PTK2: variants seen among roughly 807,000 people sequenced by gnomAD.
The protein encoded by PTK2 is protein tyrosine kinase 2, also known as focal adhesion kinase 1.
PTK2 carries 45 observed loss-of-function variants against 150.1 expected under a neutral mutation model. The observed-to-expected ratio is 0.30, with a 90% CI of 0.24 to 0.38. The LOEUF (loss-of-function observed/expected upper bound fraction) is 0.38, where lower values mean the gene tolerates loss of function less well. Among genes scored for constraint, PTK2 ranks in the 10% least tolerant of loss-of-function variants. PTK2 has a pLI of 1.00. For missense variants in PTK2, 919 were observed against 1,307.3 expected (o/e 0.70, Z 4.58); for synonymous variants, 432 against 449.2 (o/e 0.96, Z 0.48).
rs542496480 is a variant in PTK2, at chr8:140,757,534, C to T, written c.1332+3631G>A. Among the ~76,000 whole-genome samples the T allele has an allele frequency of 2.0e-5, 3 of 152,162 alleles. No individual in the cohort carries two copies. In the South Asian group the frequency reaches 6.2e-4, roughly 32 times the overall value. ...ATCTGTTATCTTTGATTAAAAAAAA[C>T]CCTTTTATAACTTTTGGGTTATAAA... On this transcript the variant is annotated intron_variant, in intron 16 of 31. Coordinates refer to ENST00000522684, the Ensembl canonical transcript of PTK2.
At chr8:140,931,842 AG>A (rs548564427) in intron 1 of PTK2, among the ~76,000 whole-genome samples, 113 of 134,686 alleles carry the variant, frequency 8.4e-4, no homozygotes, top group African/African-American at 2.9e-3. Flanking sequence ...CTGAGGTGGG[AG>A]GGCTGTTTGA....
intron 2 of PTK2, among the ~76,000 whole-genome samples, chr8:140,907,195 C>T (rs1184928469): frequency 1.3e-5 from 2 of 152,164 alleles, no homozygotes. Context: ...GTTCAACCTA[C>T]TAAACTGTTG....
At chr8:140,902,928 T>TTTG (rs1434022744) in intron 2 of PTK2, among the ~76,000 whole-genome samples, 2,447 of 61,280 alleles carry the variant, frequency 0.04, 71 homozygotes, top group Non-Finnish European at 0.067. Flanking sequence ...AGAGTTGTTT[T>TTTG]TTTTTTTTTT....
chr8:140,800,408 C>A, intron 12 of PTK2, 51 bp downstream of exon 12: 1 of 1,445,506 alleles, frequency 6.9e-7, no homozygotes, highest in Admixed American at 1.7e-5. Context: ...GCAAGCACAG[C>A]TAAATATTTG....
intron 1 of PTK2, among the ~76,000 whole-genome samples, chr8:140,936,342 A>T (rs1167370193): frequency 1.3e-5 from 2 of 152,220 alleles, no homozygotes; most frequent in African/African-American, 4.8e-5. Context: ...AATCAACGTC[A>T]TCCTAAATTC....
At chr8:140,904,801 A>G (rs528311136) in intron 2 of PTK2, among the ~76,000 whole-genome samples, 1 of 152,074 alleles carries the variant, frequency 6.6e-6, no homozygotes, top group East Asian at 1.9e-4. Context: ...TGTTTCTAGT[A>G]TTTTCTAATG....
intron 30 of PTK2, among the ~76,000 whole-genome samples, chr8:140,666,590 A>C (rs189950520): frequency 4.9e-4 from 75 of 152,202 alleles, no homozygotes; most frequent in African/African-American, 1.8e-3. Flanking sequence ...CACACACAAA[A>C]CCCCAAGCTT....
intron 5 of PTK2, among the ~76,000 whole-genome samples, chr8:140,861,246 G>C (rs2100135900): frequency 6.6e-6 from 1 of 151,490 alleles, no homozygotes; most frequent in Admixed American, 6.6e-5. Flanking sequence ...CTACTCAGGA[G>C]GCTGAGGCAG....
At chr8:140,882,364 T>C (rs933421351) in intron 3 of PTK2, among the ~76,000 whole-genome samples, 3 of 152,072 alleles carry the variant, frequency 2.0e-5, no homozygotes, top group Non-Finnish European at 4.4e-5. Context: ...ACACGTACAT[T>C]TAGAATAAAA....
At chr8:140,823,024 C>T (rs530750884) in intron 8 of PTK2, among the ~76,000 whole-genome samples, 1 of 152,228 alleles carries the variant, frequency 6.6e-6, no homozygotes, top group African/African-American at 2.4e-5. Context: ...AAATGTCTCC[C>T]ATCTACAAGT....
chr8:140,848,467 GAACA>G (rs996921165), intron 5 of PTK2, among the ~76,000 whole-genome samples: 12 of 152,248 alleles, frequency 7.9e-5, no homozygotes, highest in African/African-American at 2.9e-4. Flanking sequence ...ATAAACGAAT[GAACA>G]AACAGTCATC....
chr8:140,700,763 C>G, intron 26 of PTK2, 128 bp downstream of exon 29: 3 of 1,306,664 alleles, frequency 2.3e-6, no homozygotes, highest in Non-Finnish European at 3.1e-6. Context: ...TGGCCTATTC[C>G]AAGTTTTAAG....
intron 27 of PTK2, 93 bp downstream of exon 30, chr8:140,686,539 A>G (rs2100019972): frequency 1.0e-6 from 1 of 987,474 alleles, no homozygotes; most frequent in Non-Finnish European, 1.6e-6. Context: ...CCTATTACAA[A>G]TATTAGTAAA....
chr8:140,743,417 T>G, intron 19 of PTK2, 87 bp from the exon 23 acceptor site: 1 of 936,622 alleles, frequency 1.1e-6, no homozygotes, highest in East Asian at 2.5e-5. Context: ...CAATAGGCAC[T>G]TTGAAAGACA....
intron 17 of PTK2, among the ~76,000 whole-genome samples, chr8:140,751,379 A>G (rs750316346): frequency 1.3e-5 from 2 of 152,094 alleles, no homozygotes; most frequent in Non-Finnish European, 1.5e-5. Context: ...GGGTTTCACC[A>G]TGTTGCCCAG....
At chr8:140,687,268 A>C (rs1277286341) in intron 26 of PTK2, 1 of 153,482 alleles carries the variant, frequency 6.5e-6, no homozygotes, top group Non-Finnish European at 1.4e-5. Context: ...TTCCTCATGA[A>C]AACAACCCCG....
At chr8:140,729,090 A>G (rs1474956252) in intron 22 of PTK2, among the ~76,000 whole-genome samples, 1 of 152,124 alleles carries the variant, frequency 6.6e-6, no homozygotes, top group Non-Finnish European at 1.5e-5. Flanking sequence ...AAAAGTAAGA[A>G]AATCTGTCTG....
intron 1 of PTK2, among the ~76,000 whole-genome samples, chr8:140,980,346 G>T (rs555625998): frequency 7.2e-5 from 11 of 152,328 alleles, no homozygotes; most frequent in Non-Finnish European, 1.2e-4. Flanking sequence ...GGCCGGGCAC[G>T]GTGGCTCACG....
At chr8:140,890,882 G>A (rs943625027) in intron 2 of PTK2, 113 bp from the exon 3 acceptor site, 15 of 912,764 alleles carry the variant, frequency 1.6e-5, no homozygotes, top group Admixed American at 4.5e-5. Flanking sequence ...TGTTATATGC[G>A]GAAGGAGTCT....
Sources: gnomAD v4.1 joint callset for allele counts (sites outside exome capture counted in the v4.1 genomes callset) on GRCh38, gnomAD v4.1.1 for gene constraint, MANE v1.5 for transcripts, NCBI Gene and HGNC (gene_info 2026-07-23, HGNC 2026-07-21) for gene names.